Variants in NPEPL1 observed in about 807,000 individuals in gnomAD.
NPEPL1 encodes aminopeptidase like 1.
NPEPL1 carries 45 observed loss-of-function variants against 52.4 expected under a neutral mutation model. The ratio of observed to expected loss-of-function variants is 0.86; its 90% CI spans 0.68 to 1.10. NPEPL1 has a LOEUF of 1.10. NPEPL1 is among the 50% of genes least tolerant of loss of function. The pLI is 0.00. For missense variants in NPEPL1, 696 were observed against 710.9 expected (o/e 0.98, Z 0.24); for synonymous variants, 360 against 314.7 (o/e 1.14, Z -1.52).
At chr20:58,700,796 A>C (rs2084598354) in intron 5 of NPEPL1, among the ~76,000 whole-genome samples, 1 of 152,240 alleles carries the variant, frequency 6.6e-6, no homozygotes, top group African/African-American at 2.4e-5. Context: ...TTAACAAACA[A>C]CACTTTGCAT....
At chr20:58,695,184 T>G (rs1159645770) in intron 3 of NPEPL1, among the ~76,000 whole-genome samples, 1 of 85,936 alleles carries the variant, frequency 1.2e-5, no homozygotes, top group Non-Finnish European at 2.3e-5. Flanking sequence ...GTGGTGTGTG[T>G]TGTTGTGTGT....
upstream of NPEPL1, chr20:58,691,703 T>TTTTTTTTTTTTTTTTTTTTTG: frequency 1.3e-6 from 1 of 745,538 alleles, no homozygotes; most frequent in Non-Finnish European, 2.1e-6. Context: ...CTTTTTTTTT[T>TTTTTTTTTTTTTTTTTTTTTG]TTTTTTTTTT....
rs569895327 is a variant in NPEPL1 at position 58,693,941 on chromosome 20, G to A, written c.336+19G>A. Reference sequence around the variant, plus strand: ...CATTGTGGTGAGTGCTTCGAGAGGAGGCAGCCACGGTGCTCCTAGTCGGGC... The same window carrying A: ...CATTGTGGTGAGTGCTTCGAGAGGAAGCAGCCACGGTGCTCCTAGTCGGGC... On this transcript the variant is annotated intron_variant, in intron 2 of 11. Coordinates refer to ENST00000356091, the MANE Select transcript of NPEPL1 (RefSeq NM_024663.4). The A allele has an allele frequency of 6.5e-7, 1 of 1,540,834 alleles. No homozygotes were observed. The highest frequency in any genetic ancestry group is 1.2e-5 in the South Asian group (1 of 85,044).
chr20:58,714,737 G>A, intron 11 of NPEPL1, 67 bp downstream of exon 11: 1 of 1,253,752 alleles, frequency 8.0e-7, no homozygotes, highest in Non-Finnish European at 1.1e-6. Flanking sequence ...CGCCCCTCTG[G>A]CTCTGGAGCT....
upstream of NPEPL1, chr20:58,692,671 T>TGCCCGGCCGGGCCTGCCCGCACCCTTCC: frequency 3.0e-6 from 1 of 329,810 alleles, no homozygotes; most frequent in Non-Finnish European, 4.3e-6. This position sits in a 1 kb window ranked among gnomAD's most constrained non-coding sequence, Gnocchi z 5.7. Flanking sequence ...GCTTCGGGCC[T>TGCCCGGCCGGGCCTGCCCGCACCCTTCC]GCCCGGCCGG....
At chr20:58,711,055 CTCCTCCCCGCTCCT>C in intron 7 of NPEPL1, 1 of 138,962 alleles carries the variant, frequency 7.2e-6, no homozygotes, top group African/African-American at 2.9e-5. Flanking sequence ...GGGAATCCTC[CTCCTCCCCGCTCCT>C]CCCTCCTCCC....
chr20:58,690,160 A>C (rs891772308), upstream of NPEPL1, among the ~76,000 whole-genome samples: 3 of 152,238 alleles, frequency 2.0e-5, no homozygotes, highest in African/African-American at 7.2e-5. Flanking sequence ...GTACCAAAAA[A>C]CATCCTAGTA....
At chr20:58,706,888 G>A (rs1005301995) in intron 6 of NPEPL1, among the ~76,000 whole-genome samples, 4 of 152,166 alleles carry the variant, frequency 2.6e-5, no homozygotes, top group African/African-American at 9.7e-5. Context: ...AAAACAAAAG[G>A]GAGCCTCACC....
At chr20:58,705,870 T>C (rs541534289) in intron 6 of NPEPL1, among the ~76,000 whole-genome samples, 1 of 152,322 alleles carries the variant, frequency 6.6e-6, no homozygotes, top group Non-Finnish European at 1.5e-5. Context: ...ATCCTGTGCT[T>C]TCTCAAACAG....
upstream of NPEPL1, among the ~76,000 whole-genome samples, chr20:58,689,466 G>T (rs1437284579): frequency 6.6e-6 from 1 of 152,094 alleles, no homozygotes; most frequent in Non-Finnish European, 1.5e-5. Context: ...TCACCATGTT[G>T]GCCAGGCTGG....
intron 10 of NPEPL1, 80 bp downstream of exon 10, chr20:58,714,173 G>A: frequency 1.4e-6 from 2 of 1,474,152 alleles, no homozygotes; most frequent in Non-Finnish European, 1.8e-6. Context: ...GGGTGCTGGT[G>A]CACCCAGGGA....
chr20:58,691,074 G>A (rs201333359), upstream of NPEPL1: 42 of 702,440 alleles, frequency 6.0e-5, no homozygotes, highest in Admixed American at 5.4e-4. Context: ...CAATCTCTTC[G>A]CCTGTGGAAG....
Position 58,715,301 on chromosome 20 carries a change from A to C in NPEPL1, c.1547A>C (p.Asp516Ala), listed in dbSNP as rs1176269320. Residue 516 changes from aspartate (D) to alanine (A), a missense_variant, in exon 12 of 12, where the codon GAC becomes GCC. Physicochemically the swap from Asp to Ala is moderately radical, Grantham distance 126 (BLOSUM62 -2). Coordinates refer to ENST00000356091, the MANE Select transcript of NPEPL1 (RefSeq NM_024663.4). ...VDVEEGDLGR[D>A]SKRRRLV ...GTCGAGGAGGGGGACCTGGGGAGGG[A>C]CTCCAAGAGACGCAGGCTTGTGTGA... The C allele has an allele frequency of 6.2e-7, 1 of 1,609,006 alleles. No individual in the cohort carries two copies. Among genetic ancestry groups the C allele is most frequent in the Non-Finnish European group, 8.5e-7 (1 of 1,178,014 alleles).
In NPEPL1 at chr20:58,699,174, G is replaced by T; in HGVS notation, c.598-23G>T. 3 of 1,569,390 alleles carry T rather than the reference G, an allele frequency of 1.9e-6. No homozygotes were observed. The African/African-American group carries it at 4.1e-5, about 21-fold the overall frequency. On this transcript the variant is annotated intron_variant, in intron 4 of 11. Coordinates refer to ENST00000356091, the MANE Select transcript of NPEPL1 (RefSeq NM_024663.4). The stretch of plus-strand genomic sequence containing the variant: ...CATCTTCATGTGTTGTTGTGCTGTT[G>T]TTTTTTCCATGAACATGTCCAGGAG...
chr20:58,707,276 C>A, intron 7 of NPEPL1, 76 bp downstream of exon 7: 1 of 1,298,110 alleles, frequency 7.7e-7, no homozygotes, highest in Non-Finnish European at 1.1e-6. Context: ...CCCTGTCCGT[C>A]CCGCCACAGG....
At chr20:58,690,761 T>A (rs2084331074), upstream of NPEPL1, among the ~76,000 whole-genome samples, 1 of 152,232 alleles carries the variant, frequency 6.6e-6, no homozygotes, top group Admixed American at 6.5e-5. Flanking sequence ...TTCAGTCTAT[T>A]CTTAAATATG....
Position 58,713,826 on chromosome 20 carries a change from T to A in NPEPL1, c.1126-91T>A. The A allele has an allele frequency of 1.5e-6, 2 of 1,335,382 alleles. No homozygotes were observed. 82.7% of individuals were successfully genotyped at this position (1,335,382 alleles called of 1,614,324 possible). On this transcript the variant is annotated intron_variant, in intron 9 of 11. Coordinates refer to ENST00000356091, the MANE Select transcript of NPEPL1 (RefSeq NM_024663.4). The surrounding 1 kb of genome is among the most constrained non-coding windows in gnomAD (Gnocchi z 4.6). ...AACCGTCTCTTTTCTGGCTCCCTTATTTCTCTGTCTGCCTCCCGGTCCCTC... is the reference window on the plus strand; with the variant it reads ...AACCGTCTCTTTTCTGGCTCCCTTAATTCTCTGTCTGCCTCCCGGTCCCTC...
chr20:58,694,405 C>T lies in NPEPL1; in HGVS notation c.337-17C>T. On this transcript the variant is annotated splice_polypyrimidine_tract_variant and intron_variant, in intron 2 of 11. Coordinates refer to ENST00000356091, the MANE Select transcript of NPEPL1 (RefSeq NM_024663.4). ...GCGGCCCTTGCACCCCTCACGCCGT[C>T]TCCCTATGTGCCACAGATGGTCTGC... The T allele has an allele frequency of 6.3e-7, 1 of 1,593,862 alleles. No homozygotes were observed. The highest frequency in any genetic ancestry group is 8.5e-7 in the Non-Finnish European group (1 of 1,169,786).
chr20:58,695,005 CA>C (rs1255690153), intron 3 of NPEPL1, among the ~76,000 whole-genome samples: 3 of 1,230 alleles, frequency 2.4e-3, no homozygotes, highest in Non-Finnish European at 3.7e-3. Flanking sequence ...TGTGTGTGTG[CA>C]TGTGTGATGT....
Sources: allele counts gnomAD v4.1 joint callset (sites outside exome capture counted in the v4.1 genomes callset), GRCh38; gene constraint gnomAD v4.1.1; non-coding constraint Gnocchi (gnomAD v3.1); transcripts MANE v1.5; gene names NCBI Gene and HGNC (gene_info 2026-07-23, HGNC 2026-07-21).